Variants in BCAR3 observed in about 807,000 individuals in gnomAD.
The protein encoded by BCAR3 is BCAR3 adaptor protein, NSP family member, also known as breast cancer anti-estrogen resistance protein 3.
In BCAR3, 37 loss-of-function variants were observed where a neutral mutation model predicts 80.1. The observed-to-expected ratio is 0.46, with a 90% confidence interval of 0.36 to 0.61. The LOEUF (loss-of-function observed/expected upper bound fraction) is 0.61, where lower values mean the gene tolerates loss of function less well. Among genes scored for constraint, BCAR3 ranks in the 20% least tolerant of loss-of-function variants. BCAR3 has a pLI of 0.00. For synonymous variants in BCAR3, 389 were observed against 418.9 expected (o/e 0.93, Z 0.87); for missense variants, 978 against 1,068.2 (o/e 0.92, Z 1.18).
intron 2 of BCAR3, among the ~76,000 whole-genome samples, chr1:93,745,078 G>A (rs927551883): frequency 2.6e-5 from 4 of 152,200 alleles, no homozygotes; most frequent in African/African-American, 9.7e-5. Flanking sequence ...AGTTTTATGG[G>A]TGACAGCAAC....
In BCAR3 at chr1:93,633,682, T is replaced by G. The variant is rs1570989809; in HGVS notation, c.357+8622A>C. ...TACACTCTGGCTCTATCGCCCAGTC[T>G]GGAGTGCAGTGGCGCAATCTTTGCT... On this transcript the variant is annotated intron_variant, in intron 3 of 11. Coordinates refer to ENST00000260502, the MANE Select transcript of BCAR3 (RefSeq NM_003567.4). 3.3e-5 allele frequency among the ~76,000 whole-genome samples: 5 copies of G among 152,388 alleles called. No individual in the cohort carries two copies. In the Middle Eastern group the frequency reaches 0.017, roughly 518 times the overall value.
At chr1:93,845,496 A>C (rs2893260) in intron 2 of BCAR3, 202 of 2,610 alleles carry the variant, frequency 0.077, 10 homozygotes, top group Middle Eastern at 0.25. Flanking sequence ...ATATATATAT[A>C]TATATAAAAC....
chr1:93,593,147 G>A (rs1182544890), intron 3 of BCAR3, among the ~76,000 whole-genome samples: 1 of 152,084 alleles, frequency 6.6e-6, no homozygotes, highest in African/African-American at 2.4e-5. Context: ...GTTTAATTTA[G>A]AACCATGCCT....
At chr1:93,815,478 A>T (rs948980560) in intron 2 of BCAR3, among the ~76,000 whole-genome samples, 7 of 152,166 alleles carry the variant, frequency 4.6e-5, no homozygotes, top group Admixed American at 4.6e-4. Flanking sequence ...TATTTTTGGT[A>T]TCTTGAGATT....
chr1:93,582,928 C>G lies in BCAR3; in HGVS notation c.1059G>C (p.Ser353=), dbSNP rs12760294. 35,819 of 1,595,952 alleles carry G rather than the reference C, an allele frequency of 0.022. 485 individuals carry two copies. Among genetic ancestry groups the G allele is most frequent in the Non-Finnish European group, 0.026 (30,279 of 1,174,548 alleles). ...TTGGGCAGGGGCTTGTGTCCACACC[C>G]GAGGACTGAGGTGGCAGCTTGCAGC... is the stretch of plus-strand genomic sequence containing the variant. ...PIGCKLPPQS[S]GVDTSPCPNS... The change falls in exon 7 of 12, where the codon TCG becomes TCC. Residue 353 remains serine, a synonymous_variant. Transcript: ENST00000260502.
intron 3 of BCAR3, among the ~76,000 whole-genome samples, chr1:93,696,600 A>G (rs968146054): frequency 2.0e-5 from 3 of 151,976 alleles, no homozygotes; most frequent in African/African-American, 7.3e-5. Context: ...TCTTCCATGC[A>G]GGCCCCAGAG....
chr1:93,662,612 C>T (rs1372506722), intron 2 of BCAR3, among the ~76,000 whole-genome samples: 1 of 152,088 alleles, frequency 6.6e-6, no homozygotes, highest in Non-Finnish European at 1.5e-5. Context: ...CAGCGTGCTT[C>T]CTGTATTATC....
intron 2 of BCAR3, among the ~76,000 whole-genome samples, chr1:93,743,034 A>G (rs1177445930): frequency 1.3e-5 from 2 of 152,180 alleles, no homozygotes; most frequent in South Asian, 4.1e-4. Context: ...AATCTATTTT[A>G]TTAAATCATA....
intron 2 of BCAR3, among the ~76,000 whole-genome samples, chr1:93,668,507 CAT>C (rs1311696878): frequency 6.6e-6 from 1 of 152,154 alleles, no homozygotes; most frequent in African/African-American, 2.4e-5. Context: ...TGCACTAAAC[CAT>C]TCGCAACAGC....
intron 3 of BCAR3, among the ~76,000 whole-genome samples, chr1:93,698,091 C>T (rs776093786): frequency 2.6e-5 from 4 of 152,200 alleles, no homozygotes; most frequent in Non-Finnish European, 4.4e-5. Flanking sequence ...GGAAGGGCTA[C>T]GGCGGAGGCA....
intron 11 of BCAR3, 23 bp downstream of exon 11, chr1:93,567,256 A>G (rs369104802): frequency 6.2e-7 from 1 of 1,610,900 alleles, no homozygotes; most frequent in Non-Finnish European, 8.5e-7. Context: ...GTTAGAGAAC[A>G]GCTTACAAAA....
At chr1:93,672,319 C>A (rs192542083) in intron 2 of BCAR3, among the ~76,000 whole-genome samples, 298 of 152,278 alleles carry the variant, frequency 2.0e-3, no homozygotes, top group Non-Finnish European at 2.7e-3. Context: ...ATCACTACTG[C>A]CTCCCCACCC....
Position 93,582,671 on chromosome 1 carries a change from C to A in BCAR3, c.1316G>T (p.Gly439Val), listed in dbSNP as rs1475305257. ...YCELNPAFAT[G>V]CGRGAKLPSC... is the part of the protein sequence containing the mutation. ...GGGTAGCTTTGCTCCCCTGCCGCAGCCTGTGGCAAACGCTGGGTTCAGTTC... is the reference window on the plus strand; with the variant it reads ...GGGTAGCTTTGCTCCCCTGCCGCAGACTGTGGCAAACGCTGGGTTCAGTTC... Residue 439 changes from glycine to valine, a missense_variant, in exon 7 of 12, where the codon GGC becomes GTC. Coordinates refer to ENST00000260502, the MANE Select transcript of BCAR3 (RefSeq NM_003567.4). The A allele has an allele frequency of 6.2e-7, 1 of 1,614,084 alleles. No individual in the cohort carries two copies. Among genetic ancestry groups the A allele is most frequent in the Non-Finnish European group, 8.5e-7 (1 of 1,180,022 alleles).
chr1:93,664,744 G>A (rs1557645611), intron 2 of BCAR3, among the ~76,000 whole-genome samples: 1 of 152,158 alleles, frequency 6.6e-6, no homozygotes, highest in Non-Finnish European at 1.5e-5. Flanking sequence ...AATTGAATAG[G>A]GTAAGAACAA....
At chr1:93,697,706 G>T (rs770143896) in intron 3 of BCAR3, among the ~76,000 whole-genome samples, 2 of 152,176 alleles carry the variant, frequency 1.3e-5, no homozygotes. Flanking sequence ...TAGGCCGGGC[G>T]TGGTGACTCA....
intron 5 of BCAR3, among the ~76,000 whole-genome samples, chr1:93,588,625 T>C (rs549105419): frequency 3.9e-5 from 6 of 152,078 alleles, no homozygotes; most frequent in Non-Finnish European, 5.9e-5. Flanking sequence ...TCATACCATT[T>C]TCTGTCCCCA....
chr1:93,762,137 C>A (rs1651966325), intron 2 of BCAR3, among the ~76,000 whole-genome samples: 2 of 152,158 alleles, frequency 1.3e-5, no homozygotes, highest in African/African-American at 4.8e-5. Flanking sequence ...TTCCTTCAAG[C>A]TCTCTCTCCA....
At chr1:93,844,521 G>C (rs1207802166) in intron 2 of BCAR3, among the ~76,000 whole-genome samples, 1 of 152,110 alleles carries the variant, frequency 6.6e-6, no homozygotes, top group Non-Finnish European at 1.5e-5. Flanking sequence ...TACAGATACA[G>C]CCTGAGAAAA....
intron 2 of BCAR3, among the ~76,000 whole-genome samples, chr1:93,816,966 C>T (rs192156663): frequency 6.6e-6 from 1 of 152,240 alleles, no homozygotes; most frequent in East Asian, 1.9e-4. Flanking sequence ...GTACATTAAA[C>T]CACCACCCCC....
Sources: allele counts gnomAD v4.1 joint callset (sites outside exome capture counted in the v4.1 genomes callset), GRCh38; gene constraint gnomAD v4.1.1; transcripts MANE v1.5; gene names NCBI Gene and HGNC (gene_info 2026-07-23, HGNC 2026-07-21).